The following STXBP5L variants were observed in gnomAD, a reference collection of about 807,000 sequenced individuals.
STXBP5L encodes the protein syntaxin binding protein 5L.
STXBP5L carries 65 observed loss-of-function variants against 144.5 expected under a neutral mutation model. The ratio of observed to expected loss-of-function variants is 0.45; its 90% CI spans 0.37 to 0.55. The LOEUF (loss-of-function observed/expected upper bound fraction) is 0.55, where lower values mean the gene tolerates loss of function less well. STXBP5L is among the 20% of genes least tolerant of loss of function. STXBP5L has a pLI of 0.00. For missense variants in STXBP5L, 1,298 were observed against 1,405.5 expected, an observed-to-expected ratio of 0.92 and a Z score of 1.22; for synonymous variants, 505 against 469.6, an observed-to-expected ratio of 1.08 and a Z score of -0.97.
Position 121,223,092 on chromosome 3 carries a change from C to T in STXBP5L, c.1046C>T (p.Thr349Ile), listed in dbSNP as rs565833558. Reference sequence around the variant, plus strand: ...ACCATCATGCATGGAAAAGCAATTACAGTACTTGAAATGGATCATCCTATT... The same window carrying T: ...ACCATCATGCATGGAAAAGCAATTATAGTACTTGAAATGGATCATCCTATT... Reference protein sequence around the residue: ...SLTIMHGKAITVLEMDHPIVE... With the variant: ...SLTIMHGKAIIVLEMDHPIVE... The change falls in exon 11 of 27, where the codon ACA becomes ATA. Residue 349 changes from threonine to isoleucine, a missense_variant. Physicochemically the swap from Thr to Ile is moderately conservative, Grantham distance 89 (BLOSUM62 -1). Coordinates refer to ENST00000471454, the MANE Select transcript of STXBP5L (RefSeq NM_001308330.2). 6.2e-7 allele frequency: 1 copy of T among 1,612,678 alleles called. No homozygotes were observed. The highest frequency in any genetic ancestry group is 1.3e-5 in the African/African-American group (1 of 74,922).
intron 19 of STXBP5L, among the ~76,000 whole-genome samples, chr3:121,311,843 T>C (rs1235021143): frequency 2.0e-5 from 3 of 152,176 alleles, no homozygotes; most frequent in African/African-American, 7.2e-5. Flanking sequence ...AAAAAACTAC[T>C]TTAAAGTTCA....
At chr3:121,302,763 A>G (rs1311087935) in intron 19 of STXBP5L, among the ~76,000 whole-genome samples, 1 of 152,222 alleles carries the variant, frequency 6.6e-6, no homozygotes, top group Non-Finnish European at 1.5e-5. Context: ...CAAACCTGAC[A>G]AAAATAAGAA....
intron 3 of STXBP5L, among the ~76,000 whole-genome samples, chr3:120,959,297 A>C (rs1291441506): frequency 6.6e-6 from 1 of 152,228 alleles, no homozygotes; most frequent in African/African-American, 2.4e-5. Flanking sequence ...GGTTAGGAAG[A>C]ATCAATGTCT....
chr3:121,413,715 C>A (rs1277269807), intron 24 of STXBP5L, among the ~76,000 whole-genome samples: 2 of 152,036 alleles, frequency 1.3e-5, no homozygotes, highest in East Asian at 3.9e-4. Context: ...AAGGGACACA[C>A]AAAATAAACA....
intron 5 of STXBP5L, among the ~76,000 whole-genome samples, chr3:121,059,660 G>C (rs1560074275): frequency 6.6e-6 from 1 of 152,078 alleles, no homozygotes; most frequent in African/African-American, 2.4e-5. Context: ...TTGAGCAGTG[G>C]TTTGTAGCTC....
At chr3:121,106,799 G>A (rs2043734960) in intron 5 of STXBP5L, among the ~76,000 whole-genome samples, 1 of 152,060 alleles carries the variant, frequency 6.6e-6, no homozygotes, top group Admixed American at 6.6e-5. Context: ...TCTGGTTGTA[G>A]GTCTTTGAGG....
At chr3:121,067,830 A>G (rs1056126142) in intron 5 of STXBP5L, among the ~76,000 whole-genome samples, 2 of 152,180 alleles carry the variant, frequency 1.3e-5, no homozygotes, top group Non-Finnish European at 2.9e-5. Flanking sequence ...TTACTTTATC[A>G]TTATAAAATA....
intron 5 of STXBP5L, among the ~76,000 whole-genome samples, chr3:121,076,712 A>G (rs1172054998): frequency 1.3e-5 from 2 of 152,078 alleles, no homozygotes. Flanking sequence ...AAGGGTTCTC[A>G]GTTTCTGTGG....
intron 3 of STXBP5L, among the ~76,000 whole-genome samples, chr3:121,025,906 A>C (rs1020147229): frequency 1.4e-5 from 2 of 142,850 alleles, no homozygotes; most frequent in East Asian, 2.0e-4. Flanking sequence ...TATAAATTAT[A>C]TAAATTTATA....
intron 3 of STXBP5L, among the ~76,000 whole-genome samples, chr3:121,007,690 G>A (rs1483649682): frequency 6.6e-6 from 1 of 151,968 alleles, no homozygotes; most frequent in Admixed American, 6.6e-5. Context: ...TGTTTACATA[G>A]GCAGAATGAG....
chr3:121,281,791 A>G (rs2051067942), intron 19 of STXBP5L, among the ~76,000 whole-genome samples: 1 of 152,004 alleles, frequency 6.6e-6, no homozygotes, highest in Non-Finnish European at 1.5e-5. Context: ...ACAAGATGAC[A>G]CAGTGAGAAC....
intron 22 of STXBP5L, among the ~76,000 whole-genome samples, chr3:121,392,965 A>T (rs1159893988): frequency 6.6e-6 from 1 of 151,754 alleles, no homozygotes; most frequent in Non-Finnish European, 1.5e-5. Context: ...GGATCACTTG[A>T]TCAAAAGATA....
intron 5 of STXBP5L, among the ~76,000 whole-genome samples, chr3:121,077,406 T>C (rs2042064843): frequency 6.6e-6 from 1 of 152,126 alleles, no homozygotes. Context: ...TGTTTGGATG[T>C]GTTCGGAGTT....
chr3:121,005,742 G>A (rs577793547), intron 3 of STXBP5L, among the ~76,000 whole-genome samples: 25 of 152,224 alleles, frequency 1.6e-4, no homozygotes, highest in African/African-American at 5.8e-4. Flanking sequence ...AGAGATTCTG[G>A]TATGTTGTAT....
At chr3:121,014,452 A>G (rs1944999396) in intron 3 of STXBP5L, among the ~76,000 whole-genome samples, 1 of 152,016 alleles carries the variant, frequency 6.6e-6, no homozygotes, top group Non-Finnish European at 1.5e-5. Flanking sequence ...CTTCAGCATA[A>G]TGATTTAATC....
At chr3:121,330,161 C>T (rs1226244115) in intron 20 of STXBP5L, among the ~76,000 whole-genome samples, 1 of 152,130 alleles carries the variant, frequency 6.6e-6, no homozygotes, top group Non-Finnish European at 1.5e-5. Flanking sequence ...ACAGGGAAGG[C>T]TTATGGCATA....
chr3:120,950,730 CAAAGT>C (rs994117882), intron 2 of STXBP5L, among the ~76,000 whole-genome samples: 4 of 152,066 alleles, frequency 2.6e-5, no homozygotes, highest in Admixed American at 2.6e-4. Context: ...CCATACTGCC[CAAAGT>C]AATTTATAGA....
chr3:121,222,877 G>C, intron 10 of STXBP5L, 126 bp from the exon 11 acceptor site: 1 of 988,398 alleles, frequency 1.0e-6, no homozygotes, highest in Non-Finnish European at 1.4e-6. Context: ...TTTGAGCCGG[G>C]CAAGTTTTTT....
chr3:120,980,208 A>G (rs1377143538), intron 3 of STXBP5L, among the ~76,000 whole-genome samples: 1 of 152,152 alleles, frequency 6.6e-6, no homozygotes, highest in African/African-American at 2.4e-5. Context: ...GTTGGCTAGA[A>G]TGTTTTGTAA....
Sources: gnomAD v4.1 joint callset for allele counts (sites outside exome capture counted in the v4.1 genomes callset) on GRCh38, gnomAD v4.1.1 for gene constraint, MANE v1.5 for transcripts, NCBI Gene and HGNC (gene_info 2026-07-23, HGNC 2026-07-21) for gene names.